Variants in TANC2 observed in about 807,000 individuals in gnomAD.
TANC2 encodes tetratricopeptide repeat, ankyrin repeat and coiled-coil containing 2.
TANC2 carries 26 observed loss-of-function variants against 210.5 expected under a neutral mutation model. That is an observed-to-expected ratio of 0.12 (90% CI 0.09 to 0.17). The LOEUF (loss-of-function observed/expected upper bound fraction) is 0.17, where lower values mean the gene tolerates loss of function less well. TANC2 is among the 10% of genes least tolerant of loss of function. TANC2 has a pLI of 1.00. For missense variants in TANC2, 2,129 were observed against 2,608.9 expected (o/e 0.82, Z 4.01); for synonymous variants, 931 against 967.1 (o/e 0.96, Z 0.69).
intron 13 of TANC2, among the ~76,000 whole-genome samples, chr17:63,354,176 A>G (rs948140243): frequency 1.4e-4 from 22 of 152,160 alleles, no homozygotes; most frequent in African/African-American, 4.1e-4. Context: ...CCACAAAGCC[A>G]TATCACCTTC....
chr17:63,292,011 T>C (rs2044396559), intron 9 of TANC2, among the ~76,000 whole-genome samples: 2 of 152,302 alleles, frequency 1.3e-5, no homozygotes, highest in South Asian at 4.1e-4. Flanking sequence ...TTAACTGTGG[T>C]AACAAATGGA....
chr17:63,290,412 C>G (rs949948695), intron 9 of TANC2, among the ~76,000 whole-genome samples: 1 of 152,134 alleles, frequency 6.6e-6, no homozygotes, highest in African/African-American at 2.4e-5. Flanking sequence ...GTGCCCTCAC[C>G]TCTTATGGAT....
At chr17:63,377,443 T>C (rs894613287) in intron 14 of TANC2, among the ~76,000 whole-genome samples, 11 of 152,182 alleles carry the variant, frequency 7.2e-5, no homozygotes, top group Non-Finnish European at 1.6e-4. Context: ...AGTCCACAGA[T>C]CTCTGGGGCA....
intron 2 of TANC2, among the ~76,000 whole-genome samples, chr17:63,071,333 T>C (rs1008872995): frequency 3.3e-5 from 5 of 152,070 alleles, no homozygotes; most frequent in African/African-American, 1.2e-4. Context: ...TGTCACCTAA[T>C]TGGAGTGTGG....
chr17:63,128,815 G>A (rs1230365632), intron 4 of TANC2, among the ~76,000 whole-genome samples: 1 of 152,080 alleles, frequency 6.6e-6, no homozygotes, highest in Non-Finnish European at 1.5e-5. Context: ...TGTGAATTAT[G>A]GTCTTGTCTG....
chr17:63,232,156 G>A (rs1567837072), intron 7 of TANC2, among the ~76,000 whole-genome samples: 1 of 152,160 alleles, frequency 6.6e-6, no homozygotes, highest in African/African-American at 2.4e-5. Context: ...AACAGCTCCT[G>A]TAATGTTTTA....
intron 15 of TANC2, among the ~76,000 whole-genome samples, chr17:63,385,737 G>A (rs946668810): frequency 1.3e-5 from 2 of 152,194 alleles, no homozygotes; most frequent in Non-Finnish European, 2.9e-5. Flanking sequence ...TCAGAACAGA[G>A]CCCAGCCTCC....
chr17:63,107,106 A>G (rs1480686330), intron 4 of TANC2, among the ~76,000 whole-genome samples: 1 of 151,672 alleles, frequency 6.6e-6, no homozygotes, highest in Non-Finnish European at 1.5e-5. Context: ...TTGCAAGGTT[A>G]TGATGAAAAT....
intron 4 of TANC2, among the ~76,000 whole-genome samples, chr17:63,116,844 T>G (rs1447277889): frequency 6.6e-6 from 1 of 152,182 alleles, no homozygotes; most frequent in Admixed American, 6.5e-5. Flanking sequence ...ACTTAATAAA[T>G]TATGGAGATA....
At chr17:63,419,799 G>T (rs765604680) in intron 27 of TANC2, among the ~76,000 whole-genome samples, 200 bp from the exon 28 acceptor site, 6 of 152,090 alleles carry the variant, frequency 3.9e-5, no homozygotes, top group Non-Finnish European at 8.8e-5. Context: ...GATGGAGGCC[G>T]AATGGGTTAG....
At chr17:62,996,628 T>C (rs944872235) in intron 1 of TANC2, among the ~76,000 whole-genome samples, 1 of 152,188 alleles carries the variant, frequency 6.6e-6, no homozygotes, top group Non-Finnish European at 1.5e-5. Flanking sequence ...GCTGAAGTTT[T>C]TCTTTTAAGA....
intron 11 of TANC2, among the ~76,000 whole-genome samples, chr17:63,337,179 G>A (rs2046060329): frequency 6.6e-6 from 1 of 152,140 alleles, no homozygotes; most frequent in Admixed American, 6.5e-5. Context: ...TGAAGATGTT[G>A]CCTGAATTCT....
At chr17:63,089,617 A>T (rs1555778553) in intron 3 of TANC2, among the ~76,000 whole-genome samples, 3 of 152,038 alleles carry the variant, frequency 2.0e-5, no homozygotes, top group Non-Finnish European at 1.5e-5. Flanking sequence ...TCTCTGCTTA[A>T]TTTTTTTTAA....
chr17:63,021,301 G>A (rs893530077), intron 2 of TANC2, among the ~76,000 whole-genome samples: 2 of 152,182 alleles, frequency 1.3e-5, no homozygotes, highest in African/African-American at 2.4e-5. Context: ...CCCACCAGAA[G>A]TCATGTTGAG....
intron 14 of TANC2, among the ~76,000 whole-genome samples, chr17:63,358,870 G>A (rs1250261279): frequency 6.6e-6 from 1 of 151,726 alleles, no homozygotes; most frequent in Non-Finnish European, 1.5e-5. Context: ...ATCGCTTTAG[G>A]CTCGCCCTGA....
intron 1 of TANC2, among the ~76,000 whole-genome samples, chr17:63,000,968 CAAAAAA>C (rs3060700): frequency 6.6e-5 from 8 of 121,994 alleles, no homozygotes; most frequent in East Asian, 6.4e-4. Flanking sequence ...TTAGAACTAG[CAAAAAA>C]AAAAAAAAAA....
chr17:63,421,432 A>G lies in TANC2; in HGVS notation c.5702A>G (p.Glu1901Gly). 1 of 1,613,976 alleles carries G rather than the reference A, an allele frequency of 6.2e-7. No homozygotes were observed. The highest frequency in any genetic ancestry group is 2.2e-5 in the East Asian group (1 of 44,884). The change falls in exon 28 of 28, where the codon GAG (glutamate) becomes GGG (glycine). Residue 1901 changes from glutamate to glycine, a missense_variant. By Grantham distance (98) the Glu-to-Gly change is moderately conservative (BLOSUM62 -2). Transcript: ENST00000689528. The surrounding 1 kb of genome is among the most constrained non-coding windows in gnomAD (Gnocchi z 6.9). Reference sequence around the variant, plus strand: ...GAGATCCCACTGAAACCTGCATATGAGAGGTCATGTGACGAGCTGTCGCCA... The same window carrying G: ...GAGATCCCACTGAAACCTGCATATGGGAGGTCATGTGACGAGCTGTCGCCA...
At chr17:63,279,767 G>T (rs1044782533) in intron 9 of TANC2, among the ~76,000 whole-genome samples, 3 of 152,056 alleles carry the variant, frequency 2.0e-5, no homozygotes, top group Non-Finnish European at 4.4e-5. Flanking sequence ...TAAACTGATT[G>T]TTCCCAAGGA....
chr17:63,402,647 T>C (rs370891931), intron 19 of TANC2, among the ~76,000 whole-genome samples: 28 of 152,224 alleles, frequency 1.8e-4, no homozygotes, highest in East Asian at 7.7e-4. Flanking sequence ...ACATCCTGTC[T>C]GCCTCTTCCA....
Sources: gnomAD v4.1 joint callset for allele counts (sites outside exome capture counted in the v4.1 genomes callset) on GRCh38, gnomAD v4.1.1 for gene constraint, Gnocchi (gnomAD v3.1) non-coding constraint, MANE v1.5 for transcripts, NCBI Gene and HGNC (gene_info 2026-07-23, HGNC 2026-07-21) for gene names.